OCA2: variants seen among roughly 807,000 people sequenced by gnomAD.
OCA2 encodes P protein.
A neutral mutation model predicts 100.2 loss-of-function variants in OCA2; 77 were observed. That is an observed-to-expected ratio of 0.77 (90% CI 0.64 to 0.93). The LOEUF (loss-of-function observed/expected upper bound fraction) is 0.93. Ranked by LOEUF, OCA2 falls within the 40% of genes least tolerant of loss-of-function variation. The pLI, the probability that OCA2 is intolerant of heterozygous loss-of-function variation, is 0.00. For missense variants in OCA2, 1,062 were observed against 1,089.1 expected, an observed-to-expected ratio of 0.98 and a Z score of 0.35; for synonymous variants, 432 against 439.2, an observed-to-expected ratio of 0.98 and a Z score of 0.21.
chr15:27,861,397 A>G (rs2036126198), intron 21 of OCA2, among the ~76,000 whole-genome samples: 1 of 152,156 alleles, frequency 6.6e-6, no homozygotes, highest in Non-Finnish European at 1.5e-5. Context: ...TCTGGGGAGC[A>G]GCCCAGGAGA....
intron 2 of OCA2, among the ~76,000 whole-genome samples, chr15:28,077,084 A>G (rs1330488077): frequency 3.4e-5 from 5 of 148,106 alleles, no homozygotes; most frequent in African/African-American, 7.5e-5. Context: ...TTTGAGACAG[A>G]GTTTCACACT....
chr15:27,871,727 T>C (rs1269191074), intron 20 of OCA2, 136 bp downstream of exon 20: 13 of 715,466 alleles, frequency 1.8e-5, no homozygotes, highest in Middle Eastern at 3.8e-4. Flanking sequence ...CTGCACAGGA[T>C]AGAACAGGTT....
At chr15:28,072,669 T>C (rs2044302548) in intron 2 of OCA2, among the ~76,000 whole-genome samples, 1 of 143,914 alleles carries the variant, frequency 6.9e-6, no homozygotes, top group African/African-American at 2.6e-5. Context: ...AAAGAAGACA[T>C]ACAAGTGGTG....
At chr15:27,756,353 ACAG>A (rs2030369013) in intron 23 of OCA2, among the ~76,000 whole-genome samples, 1 of 152,260 alleles carries the variant, frequency 6.6e-6, no homozygotes, top group South Asian at 2.1e-4. Flanking sequence ...GGGTTCCTCA[ACAG>A]AGCTACAATT....
intron 19 of OCA2, among the ~76,000 whole-genome samples, chr15:27,882,874 T>C (rs1162438681): frequency 6.6e-6 from 1 of 152,170 alleles, no homozygotes; most frequent in Non-Finnish European, 1.5e-5. Flanking sequence ...TCTCTAAGCC[T>C]TGCCATCTTG....
chr15:28,094,659 C>G (rs2044935662), intron 1 of OCA2, among the ~76,000 whole-genome samples: 4 of 152,280 alleles, frequency 2.6e-5, no homozygotes, highest in Admixed American at 1.3e-4. Context: ...GGCCCTCTCT[C>G]CGGCTCTGCG....
chr15:28,050,959 C>T (rs2043493615), intron 2 of OCA2, among the ~76,000 whole-genome samples: 1 of 152,192 alleles, frequency 6.6e-6, no homozygotes, highest in African/African-American at 2.4e-5. Flanking sequence ...CCCCCTACTG[C>T]CCTCCACCCC....
intron 23 of OCA2, among the ~76,000 whole-genome samples, chr15:27,778,751 G>C (rs1171947169): frequency 1.3e-5 from 2 of 152,208 alleles, no homozygotes; most frequent in Admixed American, 1.3e-4. Context: ...GCTGCTGAGA[G>C]AATCTGCTCT....
At chr15:28,047,800 C>G (rs1198243779) in intron 2 of OCA2, among the ~76,000 whole-genome samples, 1 of 152,108 alleles carries the variant, frequency 6.6e-6, no homozygotes, top group Non-Finnish European at 1.5e-5. Context: ...TAAAAGACAT[C>G]CAGATGGGGA....
chr15:27,845,662 A>G (rs55897872), intron 22 of OCA2, among the ~76,000 whole-genome samples: 1 of 151,882 alleles, frequency 6.6e-6, no homozygotes, highest in Non-Finnish European at 1.5e-5. Context: ...CCAACCCCCC[A>G]CACACACTCA....
At chr15:27,787,090 A>C (rs954233081) in intron 23 of OCA2, among the ~76,000 whole-genome samples, 5 of 152,184 alleles carry the variant, frequency 3.3e-5, no homozygotes, top group Admixed American at 3.3e-4. Flanking sequence ...AATTAGGCTA[A>C]CTGATTTTTG....
chr15:27,997,037 G>GAGAGAGAGAAAGAA (rs1555370238), intron 9 of OCA2, among the ~76,000 whole-genome samples: 26 of 141,856 alleles, frequency 1.8e-4, no homozygotes, highest in Middle Eastern at 3.8e-3. Flanking sequence ...AAGAGAGAGA[G>GAGAGAGAGAAAGAA]AGAGAAAGAA....
intron 9 of OCA2, among the ~76,000 whole-genome samples, chr15:28,006,315 C>T (rs767981115): frequency 4.6e-5 from 7 of 152,218 alleles, no homozygotes; most frequent in Non-Finnish European, 8.8e-5. Context: ...CTCCAGAGCT[C>T]ACTGCATGTG....
chr15:27,796,713 C>T (rs1451544684), intron 23 of OCA2, among the ~76,000 whole-genome samples: 1 of 152,234 alleles, frequency 6.6e-6, no homozygotes, highest in African/African-American at 2.4e-5. Context: ...TTCCCAACTC[C>T]GCCGGGCATT....
intron 2 of OCA2, among the ~76,000 whole-genome samples, chr15:28,069,389 TCCCCCTCCCCCTC>T (rs2044134620): frequency 3.5e-4 from 2 of 5,640 alleles, no homozygotes; most frequent in Non-Finnish European, 5.4e-4. Flanking sequence ...TCCCTCCCCC[TCCCCCTCCCCCTC>T]CCCTTCCCCC....
intron 23 of OCA2, among the ~76,000 whole-genome samples, chr15:27,828,824 G>A (rs915426638): frequency 1.3e-5 from 2 of 152,172 alleles, no homozygotes; most frequent in South Asian, 2.1e-4. Context: ...GGGGTTGCAC[G>A]CTTCAGGAAG....
intron 17 of OCA2, among the ~76,000 whole-genome samples, chr15:27,953,471 G>A (rs1305161322): frequency 2.0e-5 from 3 of 152,184 alleles, no homozygotes; most frequent in African/African-American, 7.2e-5. Flanking sequence ...AAGAATTAGG[G>A]CCAAAGGAGC....
Position 27,957,784 on chromosome 15 carries a change from C to A in OCA2, c.1637-49G>T. 1 of 1,604,742 alleles carries A rather than the reference C, an allele frequency of 6.2e-7. No individual in the cohort carries two copies. On this transcript the variant is annotated intron_variant, in intron 15 of 23. Transcript: ENST00000354638. This position sits in a 1 kb window ranked among gnomAD's most constrained non-coding sequence, Gnocchi z 4.3. Reference sequence around the variant, plus strand: ...TTGGGTCTCCCATGACCTCAGATATCAGCAACACCCTCCTCTGTTCCCCAC... The same window carrying A: ...TTGGGTCTCCCATGACCTCAGATATAAGCAACACCCTCCTCTGTTCCCCAC...
At chr15:28,047,063 C>T in intron 2 of OCA2, among the ~76,000 whole-genome samples, 1 of 152,156 alleles carries the variant, frequency 6.6e-6, no homozygotes, top group East Asian at 1.9e-4. Flanking sequence ...CCTGCCTGTG[C>T]ATCCCTCTCT....
Sources: gnomAD v4.1 joint callset for allele counts (sites outside exome capture counted in the v4.1 genomes callset) on GRCh38, gnomAD v4.1.1 for gene constraint, Gnocchi (gnomAD v3.1) non-coding constraint, MANE v1.5 for transcripts, NCBI Gene and HGNC (gene_info 2026-07-23, HGNC 2026-07-21) for gene names.